Variants in ZNF500 observed in about 807,000 individuals in gnomAD.
The protein encoded by ZNF500 is zinc finger protein with KRAB and SCAN domains 18.
In ZNF500, 31 loss-of-function variants were observed where a neutral mutation model predicts 30.1. The ratio of observed to expected loss-of-function variants is 1.03; its 90% CI spans 0.77 to 1.39. The LOEUF (loss-of-function observed/expected upper bound fraction) is 1.39. Ranked by LOEUF, ZNF500 falls within the 40% of genes most tolerant of loss-of-function variation. The pLI is 0.00. For synonymous variants in ZNF500, 392 were observed against 282.0 expected, an observed-to-expected ratio of 1.39 and a Z score of -3.91; for missense variants, 817 against 657.8, an observed-to-expected ratio of 1.24 and a Z score of -2.65.
intron 4 of ZNF500, among the ~76,000 whole-genome samples, chr16:4,761,909 C>A (rs544334989): frequency 1.2e-3 from 190 of 152,222 alleles, no homozygotes; most frequent in South Asian, 3.7e-3. Flanking sequence ...AACCAGCAAG[C>A]AAACAAAGGA....
At chr16:4,759,978 G>A (rs1298577273) in intron 5 of ZNF500, among the ~76,000 whole-genome samples, 2 of 152,238 alleles carry the variant, frequency 1.3e-5, no homozygotes, top group African/African-American at 4.8e-5. Flanking sequence ...GGTGGAGGTT[G>A]CAGTGAGCCA....
Position 4,752,523 on chromosome 16 carries a change from T to A in ZNF500, c.1296A>T (p.Thr432=), listed in dbSNP as rs764487200. 2 of 1,560,942 alleles carry A rather than the reference T, an allele frequency of 1.3e-6. No homozygotes were observed. Among genetic ancestry groups the A allele is most frequent in the Non-Finnish European group, 1.7e-6 (2 of 1,157,972 alleles). Residue 432 remains threonine, a synonymous_variant, in exon 6 of 6, where the codon ACA becomes ACT. Coordinates refer to ENST00000219478, the MANE Select transcript of ZNF500 (RefSeq NM_021646.4). ...SHFSAHRRTH[T]GEKPYTCPAC... ...CCGGGCAGGTGTAGGGCTTCTCACC[T>A]GTGTGCGTCCGGCGGTGGGCGCTGA...
intron 1 of ZNF500, 149 bp from the exon 2 acceptor site, chr16:4,766,225 C>T (rs1388569056): frequency 1.4e-5 from 6 of 418,254 alleles, no homozygotes; most frequent in East Asian, 3.7e-5. Flanking sequence ...TTGTTATTAA[C>T]CCCCTGTTAA....
chr16:4,765,947 G>A lies in ZNF500; in HGVS notation c.32C>T (p.Pro11Leu), dbSNP rs377680392. The A allele has an allele frequency of 3.1e-6, 5 of 1,590,260 alleles. No homozygotes were observed. Among genetic ancestry groups the A allele is most frequent in the African/African-American group, 1.3e-5 (1 of 74,160 alleles). The change falls in exon 2 of 6, where the codon CCA (proline) becomes CTA (leucine). Residue 11 changes from proline to leucine, a missense_variant. Physicochemically the swap from Pro to Leu is moderately conservative, Grantham distance 98. Transcript: ENST00000219478. MATVPGLQPL[P>L]TLEQDLEQEE... ...CTGTTCCAGGTCCTGCTCCAAGGTTGGCAGGGGCTGGAGGCCAGGGACAGT... is the reference window on the plus strand; with the variant it reads ...CTGTTCCAGGTCCTGCTCCAAGGTTAGCAGGGGCTGGAGGCCAGGGACAGT...
intron 5 of ZNF500, among the ~76,000 whole-genome samples, chr16:4,758,818 G>GA (rs1013939988): frequency 6.6e-6 from 1 of 151,928 alleles, no homozygotes; most frequent in Non-Finnish European, 1.5e-5. Context: ...GGCAACAAAA[G>GA]AAAAAAACGA....
intron 4 of ZNF500, among the ~76,000 whole-genome samples, chr16:4,761,987 G>GGGATCTCT (rs2082207003): frequency 6.6e-6 from 1 of 152,224 alleles, no homozygotes; most frequent in African/African-American, 2.4e-5. Context: ...AGAGATTCCT[G>GGGATCTCT]TGCCCAGCAG....
intron 5 of ZNF500, among the ~76,000 whole-genome samples, chr16:4,757,834 C>A (rs940631326): frequency 2.0e-5 from 3 of 150,614 alleles, no homozygotes; most frequent in African/African-American, 7.3e-5. Context: ...GATCTCCTGA[C>A]CTCATGATCC....
At chr16:4,747,130 A>G, downstream of ZNF500, 1 of 1,248,192 alleles carries the variant, frequency 8.0e-7, no homozygotes, top group Non-Finnish European at 1.1e-6. Context: ...GTCTTGCTGC[A>G]CCCACCGCAC....
chr16:4,752,667 G>A lies in ZNF500; in HGVS notation c.1152C>T (p.Pro384=), dbSNP rs149420725. ...TCTGGCTGAAGCGCTTCCCACACTCGGGGCACGGGTAGGGCTTCTCGCCTG... is the reference window on the plus strand; with the variant it reads ...TCTGGCTGAAGCGCTTCCCACACTCAGGGCACGGGTAGGGCTTCTCGCCTG... The part of the protein sequence containing the change: ...VHTGEKPYPC[P]ECGKRFSQSS... Residue 384 remains proline (P), a synonymous_variant, in exon 6 of 6, where the codon CCC becomes CCT. Transcript: ENST00000219478. The A allele has an allele frequency of 1.9e-5, 30 of 1,613,528 alleles. No individual in the cohort carries two copies. The highest frequency in any genetic ancestry group is 1.6e-4 in the Middle Eastern group (1 of 6,084).
chr16:4,752,493 A>G lies in ZNF500; in HGVS notation c.1326T>C (p.Cys442=). ...TGEKPYTCPA[C]GRGFRRGTDL... is the part of the protein sequence containing the mutation. ...CGGTGCCCCGGCGGAAGCCCCGGCCACAGGCCGGGCAGGTGTAGGGCTTCT... is the reference window on the plus strand; with the variant it reads ...CGGTGCCCCGGCGGAAGCCCCGGCCGCAGGCCGGGCAGGTGTAGGGCTTCT... The change falls in exon 6 of 6, where the codon TGT becomes TGC. Residue 442 remains cysteine, a synonymous_variant. Coordinates refer to ENST00000219478, the MANE Select transcript of ZNF500 (RefSeq NM_021646.4). 1 of 1,550,808 alleles carries G rather than the reference A, an allele frequency of 6.4e-7. No individual in the cohort carries two copies. Among genetic ancestry groups the G allele is most frequent in the African/African-American group, 1.4e-5 (1 of 73,480 alleles).
In ZNF500 at chr16:4,749,241, G is replaced by A. The variant is rs900164058; in HGVS notation, c.*3135C>T. 12 of 154,432 alleles carry A rather than the reference G, an allele frequency of 7.8e-5. No homozygotes were observed. Among genetic ancestry groups the A allele is most frequent in the Non-Finnish European group, 1.8e-4 (12 of 68,234 alleles). 9.6% of individuals were successfully genotyped at this position (154,432 alleles called of 1,614,324 possible). Reference sequence around the variant, plus strand: ...TCTGCCCCCATACGCTGCCCTCGCAGCCTGGCGGCCTCCGCTGTGGCTGCC... The same window carrying A: ...TCTGCCCCCATACGCTGCCCTCGCAACCTGGCGGCCTCCGCTGTGGCTGCC... On this transcript the variant is annotated 3_prime_UTR_variant, in exon 6 of 6. Coordinates refer to ENST00000219478, the MANE Select transcript of ZNF500 (RefSeq NM_021646.4).
At chr16:4,765,122 G>A (rs1054739073) in intron 2 of ZNF500, among the ~76,000 whole-genome samples, 1 of 152,070 alleles carries the variant, frequency 6.6e-6, no homozygotes, top group Non-Finnish European at 1.5e-5. Context: ...GCAACATAAC[G>A]AAACCCTGTC....
intron 5 of ZNF500, among the ~76,000 whole-genome samples, chr16:4,755,116 C>A (rs1391048495): frequency 6.6e-6 from 1 of 152,068 alleles, no homozygotes; most frequent in African/African-American, 2.4e-5. Context: ...CCAATTAAAC[C>A]TTTTTTCTTT....
At chr16:4,746,643 A>T, downstream of ZNF500, 3 of 1,270,092 alleles carry the variant, frequency 2.4e-6, no homozygotes, top group Middle Eastern at 2.1e-4. Flanking sequence ...TTCTCAATTG[A>T]AAAGTGCTGG....
At chr16:4,764,992 C>A (rs143963723) in intron 2 of ZNF500, among the ~76,000 whole-genome samples, 133 of 151,946 alleles carry the variant, frequency 8.8e-4, no homozygotes, top group African/African-American at 3.2e-3. Context: ...AGGTGCCGGA[C>A]CTCTCTCCCA....
At position 4,762,256 on chromosome 16, in the gene ZNF500, G is replaced by C. The variant is rs1295772353; in HGVS notation, c.663+15C>G. 4.3e-6 allele frequency: 7 copies of C among 1,610,048 alleles called. No homozygotes were observed. The highest frequency in any genetic ancestry group is 5.1e-6 in the Non-Finnish European group (6 of 1,178,196). ...CAGACCCCAGGATGCTGCAGACCAG[G>C]AGCATCCCACTCACCTGGGACCAGG... is the stretch of plus-strand genomic sequence containing the variant. On this transcript the variant is annotated intron_variant, in intron 4 of 5. Transcript: ENST00000219478.
At chr16:4,754,149 C>T (rs1461773375) in intron 5 of ZNF500, among the ~76,000 whole-genome samples, 4 of 152,172 alleles carry the variant, frequency 2.6e-5, no homozygotes, top group Non-Finnish European at 5.9e-5. Flanking sequence ...ATAGCAGTCC[C>T]GCAAGAGGCT....
rs2082093680 is a variant in ZNF500, at chr16:4,752,585, T to C, written c.1234A>G (p.Thr412Ala). The C allele has an allele frequency of 2.5e-6, 4 of 1,586,968 alleles. No individual in the cohort carries two copies. The highest frequency in any genetic ancestry group is 2.7e-5 in the African/African-American group (2 of 74,294). ...THSGERPYAC[T>A]QCGKRFNNSS... The stretch of plus-strand genomic sequence containing the variant: ...TTGTTGAAGCGCTTCCCGCACTGGG[T>C]GCAGGCATAGGGCCGCTCCCCGCTG... Residue 412 changes from threonine (T) to alanine (A), a missense_variant, in exon 6 of 6, where the codon ACC becomes GCC. By Grantham distance (58) the Thr-to-Ala change is moderately conservative. Transcript: ENST00000219478.
intron 2 of ZNF500, 122 bp from the exon 3 acceptor site, chr16:4,762,878 GCCTC>G: frequency 7.0e-7 from 1 of 1,427,252 alleles, no homozygotes; most frequent in South Asian, 1.5e-5. Context: ...GCTGTCTGCA[GCCTC>G]CCTCCCTCTG....
Sources: gnomAD v4.1 joint callset for allele counts (sites outside exome capture counted in the v4.1 genomes callset) on GRCh38, gnomAD v4.1.1 for gene constraint, MANE v1.5 for transcripts, NCBI Gene and HGNC (gene_info 2026-07-23, HGNC 2026-07-21) for gene names.